The following ATP9A variants were observed in gnomAD, a reference collection of about 807,000 sequenced individuals.
The protein encoded by ATP9A is probable phospholipid-transporting ATPase IIA.
Under a neutral mutation model 144.1 loss-of-function variants are expected in ATP9A, and 52 were observed. That is an observed-to-expected ratio of 0.36 (90% CI 0.29 to 0.45). ATP9A has a LOEUF of 0.45. Among genes scored for constraint, ATP9A ranks in the 20% least tolerant of loss-of-function variants. The pLI is 1.00. For synonymous variants in ATP9A, 582 were observed against 557.4 expected (o/e 1.04, Z -0.62); for missense variants, 947 against 1,392.7 (o/e 0.68, Z 5.09).
At chr20:51,686,009 A>C (rs953620438) in intron 9 of ATP9A, among the ~76,000 whole-genome samples, 2 of 152,220 alleles carry the variant, frequency 1.3e-5, no homozygotes, top group Non-Finnish European at 2.9e-5. Context: ...AACGAATAGA[A>C]TACTATGCAT....
chr20:51,688,840 C>T (rs911427251), intron 9 of ATP9A, among the ~76,000 whole-genome samples: 2 of 152,080 alleles, frequency 1.3e-5, no homozygotes, highest in African/African-American at 4.8e-5. Flanking sequence ...CCAGCATGGA[C>T]GCTGCAGAAA....
At chr20:51,685,996 G>A (rs1412126205) in intron 9 of ATP9A, among the ~76,000 whole-genome samples, 1 of 152,188 alleles carries the variant, frequency 6.6e-6, no homozygotes, top group Admixed American at 6.6e-5. Flanking sequence ...ACTGGATTAA[G>A]AAAACGAATA....
chr20:51,670,618 C>A (rs1309284384), intron 12 of ATP9A, among the ~76,000 whole-genome samples: 1 of 152,148 alleles, frequency 6.6e-6, no homozygotes, highest in South Asian at 2.1e-4. Flanking sequence ...TTCCCTTCTA[C>A]CCCATGGACA....
At chr20:51,721,408 C>A (rs1424682554) in intron 3 of ATP9A, among the ~76,000 whole-genome samples, 1 of 152,080 alleles carries the variant, frequency 6.6e-6, no homozygotes, top group Non-Finnish European at 1.5e-5. Context: ...ATTCCTGAGC[C>A]CAGGAGTTGG....
At chr20:51,761,399 G>A (rs1324020219) in intron 1 of ATP9A, among the ~76,000 whole-genome samples, 1 of 152,172 alleles carries the variant, frequency 6.6e-6, no homozygotes, top group African/African-American at 2.4e-5. Flanking sequence ...AGAGGAGCAC[G>A]ACAATCCGTT....
chr20:51,757,671 G>C (rs879810558), intron 1 of ATP9A, among the ~76,000 whole-genome samples: 4 of 152,170 alleles, frequency 2.6e-5, no homozygotes, highest in Non-Finnish European at 5.9e-5. Flanking sequence ...TTGACAGGCA[G>C]AGGTTGGCGG....
At position 51,642,725 on chromosome 20, in the gene ATP9A, CCAAAAAAAAAAAAAAAA is replaced by C. The variant is rs1489638650; in HGVS notation, c.1507-3238_1507-3222del. ...TGGGTGACTGAGTGAGACTCTGTCTCCAAAAAAAAAAAAAAAAAAAAAAAAAAAAAAAAAAAAAACCT... is the reference window on the plus strand; with the variant it reads ...TGGGTGACTGAGTGAGACTCTGTCTCAAAAAAAAAAAAAAAAAAAAAACCT... On this transcript the variant is annotated intron_variant, in intron 14 of 27. Transcript: ENST00000338821. Among the ~76,000 whole-genome samples the C allele has an allele frequency of 5.5e-4, 36 of 65,576 alleles. 1 individual carries two copies. The South Asian group carries it at 0.014, about 26-fold the overall frequency. 43.0% of individuals were successfully genotyped at this position (65,576 alleles called of 152,430 possible).
chr20:51,765,816 G>A lies in ATP9A; in HGVS notation c.68+2486C>T, dbSNP rs963836509. 4.6e-5 allele frequency among the ~76,000 whole-genome samples: 7 copies of A among 152,140 alleles called. No homozygotes were observed. In the South Asian group the frequency reaches 1.2e-3, roughly 27 times the overall value. On this transcript the variant is annotated intron_variant, in intron 1 of 27. Transcript: ENST00000338821. ...TACTAAAAATACAAAGATTAGCCGG[G>A]AGTGGTAGTGGGCACCTGTAATCCC...
chr20:51,619,392 ACT>A (rs1367284236), intron 19 of ATP9A, among the ~76,000 whole-genome samples: 1 of 150,784 alleles, frequency 6.6e-6, no homozygotes, highest in Non-Finnish European at 1.5e-5. Context: ...GGTGAAACCC[ACT>A]CTCTACTAAA....
At chr20:51,643,731 T>C (rs1052228552) in intron 14 of ATP9A, among the ~76,000 whole-genome samples, 2 of 152,210 alleles carry the variant, frequency 1.3e-5, no homozygotes, top group Non-Finnish European at 2.9e-5. Context: ...GGCCATGTTA[T>C]AGCAGGCCAA....
intron 10 of ATP9A, among the ~76,000 whole-genome samples, chr20:51,675,204 C>A (rs1047529227): frequency 2.8e-4 from 42 of 152,108 alleles, no homozygotes; most frequent in Non-Finnish European, 3.4e-4. Flanking sequence ...TAGAAACATG[C>A]CCCAGGATAA....
chr20:51,669,057 T>C (rs1300829542), intron 13 of ATP9A, among the ~76,000 whole-genome samples: 1 of 152,240 alleles, frequency 6.6e-6, no homozygotes, highest in Non-Finnish European at 1.5e-5. Flanking sequence ...TATTCTCTTG[T>C]TATCTCCAAA....
chr20:51,654,334 G>A lies in ATP9A; in HGVS notation c.1506+2604C>T, dbSNP rs552484862. Among the ~76,000 whole-genome samples, 84 of 152,174 alleles carry A rather than the reference G, an allele frequency of 5.5e-4. No homozygotes were observed. In the Middle Eastern group the frequency reaches 0.01, roughly 18 times the overall value. ...AGGACACAGAAGATGACACTCAAGCGTTCTTCCATTTGTGAACTTTGGGAA... is the reference window on the plus strand; with the variant it reads ...AGGACACAGAAGATGACACTCAAGCATTCTTCCATTTGTGAACTTTGGGAA... On this transcript the variant is annotated intron_variant, in intron 14 of 27. Transcript: ENST00000338821.
At chr20:51,697,576 A>C (rs1288562154) in intron 4 of ATP9A, 94 bp from the exon 5 acceptor site, 1 of 1,098,464 alleles carries the variant, frequency 9.1e-7, no homozygotes, top group Non-Finnish European at 1.4e-6. Context: ...CACACAATAC[A>C]CCCAGAAGTA....
chr20:51,720,381 A>G (rs1305749418), intron 3 of ATP9A, among the ~76,000 whole-genome samples: 1 of 152,198 alleles, frequency 6.6e-6, no homozygotes, highest in Admixed American at 6.5e-5. Context: ...AAGTTAGAGT[A>G]TTTCACATAA....
Position 51,619,200 on chromosome 20 carries a change from T to C in ATP9A, c.2116-157A>G, listed in dbSNP as rs184860280. On this transcript the variant is annotated intron_variant, in intron 19 of 27. Coordinates refer to ENST00000338821, the MANE Select transcript of ATP9A (RefSeq NM_006045.3). ...AGAGGCAGCACCAAATGGAATCCTA[T>C]TGGTTGACTCTGCAGGAATCAAGAG... Among the ~76,000 whole-genome samples, 385 of 152,264 alleles carry C rather than the reference T, an allele frequency of 2.5e-3. 3 individuals are homozygous for C. The highest frequency in any genetic ancestry group is 8.5e-3 in the African/African-American group (352 of 41,556).
rs578073764 is a variant in ATP9A at position 51,608,642 on chromosome 20, G to A, written c.2637-16C>T. ...TGTGGAGTACCTGGGAGAGAAAACC[G>A]CCATAGGTAAGACCTGGCTGACGCG... On this transcript the variant is annotated splice_polypyrimidine_tract_variant and intron_variant, in intron 24 of 27. Coordinates refer to ENST00000338821, the MANE Select transcript of ATP9A (RefSeq NM_006045.3). 1.3e-6 allele frequency: 2 copies of A among 1,533,200 alleles called. No homozygotes were observed. The highest frequency in any genetic ancestry group is 1.4e-5 in the African/African-American group (1 of 73,142). 95.0% of individuals were successfully genotyped at this position (1,533,200 alleles called of 1,614,324 possible).
intron 1 of ATP9A, among the ~76,000 whole-genome samples, chr20:51,762,165 G>C (rs752062182): frequency 6.6e-6 from 1 of 152,092 alleles, no homozygotes; most frequent in Non-Finnish European, 1.5e-5. Flanking sequence ...AGGAGTTCAA[G>C]GCCAGCTTGG....
At chr20:51,685,096 G>A (rs1427087842) in intron 9 of ATP9A, among the ~76,000 whole-genome samples, 1 of 151,044 alleles carries the variant, frequency 6.6e-6, no homozygotes, top group African/African-American at 2.4e-5. Flanking sequence ...TTTTCTAAAG[G>A]CAAATCAATA....
Sources: allele counts gnomAD v4.1 joint callset (sites outside exome capture counted in the v4.1 genomes callset), GRCh38; gene constraint gnomAD v4.1.1; transcripts MANE v1.5; gene names NCBI Gene and HGNC (gene_info 2026-07-23, HGNC 2026-07-21).